PDLIM5: variants seen among roughly 807,000 people sequenced by gnomAD.
The protein encoded by PDLIM5 is PDZ and LIM domain protein 5.
A neutral mutation model predicts 64.2 loss-of-function variants in PDLIM5; 34 were observed. That is an observed-to-expected ratio of 0.53 (90% confidence interval 0.40 to 0.71). PDLIM5 has a LOEUF of 0.71. Among genes scored for constraint, PDLIM5 ranks in the 30% least tolerant of loss-of-function variants. PDLIM5 has a pLI of 0.00. For missense variants in PDLIM5, 683 were observed against 733.6 expected, an observed-to-expected ratio of 0.93 and a Z score of 0.80; for synonymous variants, 253 against 269.1, an observed-to-expected ratio of 0.94 and a Z score of 0.59.
chr4:94,472,149 TACAC>T (rs112749700), intron 2 of PDLIM5, among the ~76,000 whole-genome samples: 7 of 151,902 alleles, frequency 4.6e-5, no homozygotes, highest in African/African-American at 7.3e-5. Flanking sequence ...ATTTTTTTAA[TACAC>T]ACACACACGC....
intron 7 of PDLIM5, chr4:94,608,088 A>C (rs1738072672): frequency 6.5e-7 from 1 of 1,533,320 alleles, no homozygotes; most frequent in Non-Finnish European, 8.7e-7. Flanking sequence ...GACCTACCTA[A>C]GAGTGGACCT....
At chr4:94,530,033 G>GA (rs1730720994) in intron 3 of PDLIM5, among the ~76,000 whole-genome samples, 1 of 152,104 alleles carries the variant, frequency 6.6e-6, no homozygotes, top group Admixed American at 6.6e-5. Context: ...TGGTTTCTAT[G>GA]AAAAAGGTGT....
chr4:94,592,367 A>G (rs888669246), intron 7 of PDLIM5, among the ~76,000 whole-genome samples: 1 of 152,226 alleles, frequency 6.6e-6, no homozygotes, highest in African/African-American at 2.4e-5. Flanking sequence ...TTCACTTAAT[A>G]AATTTTGTTA....
intron 7 of PDLIM5, among the ~76,000 whole-genome samples, chr4:94,610,607 T>C (rs1161108019): frequency 6.6e-6 from 1 of 152,202 alleles, no homozygotes; most frequent in Non-Finnish European, 1.5e-5. Flanking sequence ...TTTCAGGTTT[T>C]ATATTTGAAA....
At chr4:94,604,136 C>G (rs1737721608) in intron 7 of PDLIM5, among the ~76,000 whole-genome samples, 1 of 152,028 alleles carries the variant, frequency 6.6e-6, no homozygotes, top group Non-Finnish European at 1.5e-5. Flanking sequence ...TCTCGGGCAA[C>G]AGAATAGCCA....
chr4:94,607,492 A>G (rs1216101121), intron 7 of PDLIM5, among the ~76,000 whole-genome samples: 4 of 152,220 alleles, frequency 2.6e-5, no homozygotes, highest in Non-Finnish European at 5.9e-5. Context: ...GCATGCCACC[A>G]TCTGTTGTAT....
chr4:94,500,644 C>CT (rs1490359449), intron 2 of PDLIM5, among the ~76,000 whole-genome samples: 3 of 152,060 alleles, frequency 2.0e-5, no homozygotes, highest in Non-Finnish European at 4.4e-5. Flanking sequence ...TTATTTACTT[C>CT]TAATTTTTAA....
intron 7 of PDLIM5, among the ~76,000 whole-genome samples, chr4:94,591,635 G>C (rs946151211): frequency 6.6e-6 from 1 of 152,190 alleles, no homozygotes; most frequent in African/African-American, 2.4e-5. Flanking sequence ...AAAAAACCTG[G>C]TTATTTCATC....
At chr4:94,596,642 T>C (rs891888392) in intron 7 of PDLIM5, among the ~76,000 whole-genome samples, 1 of 152,080 alleles carries the variant, frequency 6.6e-6, no homozygotes, top group African/African-American at 2.4e-5. Context: ...CTTTTGCTGC[T>C]ATTCTAGTTT....
intron 3 of PDLIM5, among the ~76,000 whole-genome samples, chr4:94,572,530 T>C (rs1401332660): frequency 6.6e-6 from 1 of 152,226 alleles, no homozygotes; most frequent in East Asian, 1.9e-4. Flanking sequence ...CCAATTATTG[T>C]TACTGTTGAG....
intron 2 of PDLIM5, among the ~76,000 whole-genome samples, chr4:94,489,404 A>T (rs62319388): frequency 0.15 from 22,248 of 152,110 alleles, 3,106 homozygotes; most frequent in African/African-American, 0.37. Context: ...AATACTGAGT[A>T]GTATATAAAT....
intron 8 of PDLIM5, among the ~76,000 whole-genome samples, chr4:94,621,359 T>C (rs1739227855): frequency 6.6e-6 from 1 of 152,190 alleles, no homozygotes; most frequent in Non-Finnish European, 1.5e-5. Flanking sequence ...TTTTGAGTTA[T>C]TTCTATTTAT....
intron 7 of PDLIM5, among the ~76,000 whole-genome samples, chr4:94,599,271 C>A (rs1462807680): frequency 6.6e-6 from 1 of 151,976 alleles, no homozygotes; most frequent in Admixed American, 6.6e-5. Context: ...AGATGGAGAG[C>A]ATTGGATAGG....
intron 2 of PDLIM5, among the ~76,000 whole-genome samples, chr4:94,495,167 T>C (rs1194283779): frequency 2.0e-5 from 3 of 152,214 alleles, no homozygotes; most frequent in Non-Finnish European, 4.4e-5. Flanking sequence ...GTCAGTATTA[T>C]ATTCTACAGT....
chr4:94,583,737 A>G (rs1031301356), intron 5 of PDLIM5, among the ~76,000 whole-genome samples: 4 of 152,146 alleles, frequency 2.6e-5, no homozygotes, highest in Non-Finnish European at 4.4e-5. Context: ...CATAAATGTT[A>G]CTGATTTGTT....
chr4:94,620,762 A>G (rs972485313), intron 8 of PDLIM5, among the ~76,000 whole-genome samples: 3 of 152,038 alleles, frequency 2.0e-5, no homozygotes, highest in Non-Finnish European at 4.4e-5. Context: ...TAATTTTGCT[A>G]AGAAGCTAGA....
In PDLIM5 at chr4:94,553,920, A is replaced by T. The variant is rs1733033393; in HGVS notation, c.249-19431A>T. ...AAAATATTTTCTGAAATACATTTTT[A>T]AAAAATCTCTTCTTTCACATTGTCA... is the stretch of plus-strand genomic sequence containing the variant. On this transcript the variant is annotated intron_variant, in intron 3 of 12. Coordinates refer to ENST00000317968, the MANE Select transcript of PDLIM5 (RefSeq NM_006457.5). Among the ~76,000 whole-genome samples, 5 of 152,334 alleles carry T rather than the reference A, an allele frequency of 3.3e-5. No individual in the cohort carries two copies. The South Asian group carries it at 6.2e-4, about 19-fold the overall frequency.
At chr4:94,535,032 T>C (rs974796868) in intron 3 of PDLIM5, among the ~76,000 whole-genome samples, 3 of 152,162 alleles carry the variant, frequency 2.0e-5, no homozygotes, top group African/African-American at 7.2e-5. Flanking sequence ...ACTGAGGTAT[T>C]ATTGAAAGCT....
intron 11 of PDLIM5, among the ~76,000 whole-genome samples, chr4:94,660,931 A>T (rs1368590586): frequency 1.4e-5 from 2 of 139,108 alleles, no homozygotes; most frequent in African/African-American, 5.2e-5. Context: ...AAAAATAAAA[A>T]AAATAGCCAG....
Sources: gnomAD v4.1 joint callset for allele counts (sites outside exome capture counted in the v4.1 genomes callset) on GRCh38, gnomAD v4.1.1 for gene constraint, MANE v1.5 for transcripts, NCBI Gene and HGNC (gene_info 2026-07-23, HGNC 2026-07-21) for gene names.